Variants in AUTS2 observed in about 807,000 individuals in gnomAD.
The protein encoded by AUTS2 is activator of transcription and developmental regulator AUTS2.
Under a neutral mutation model 112.4 loss-of-function variants are expected in AUTS2, and 17 were observed. The observed-to-expected ratio is 0.15, with a 90% CI of 0.10 to 0.23. AUTS2 has a LOEUF of 0.23. Ranked by LOEUF, AUTS2 falls within the 10% of genes least tolerant of loss-of-function variation. AUTS2 has a pLI of 1.00. For missense variants in AUTS2, 1,510 were observed against 1,701.6 expected (o/e 0.89, Z 1.98); for synonymous variants, 751 against 702.7 (o/e 1.07, Z -1.09).
At position 70,057,196 on chromosome 7, in the gene AUTS2, G is replaced by A. The variant is rs532155366; in HGVS notation, c.523-60936G>A. ...GTTTACCAGTTATCTGTATCCTTGC[G>A]GCTCTGCTTGAACTGAAGCTTAATC... On this transcript the variant is annotated intron_variant, in intron 2 of 18. Transcript: ENST00000342771. Among the ~76,000 whole-genome samples, 5 of 152,078 alleles carry A rather than the reference G, an allele frequency of 3.3e-5. No individual in the cohort carries two copies. The South Asian group carries it at 6.2e-4, about 19-fold the overall frequency.
rs561656290 is a variant in AUTS2 at position 70,552,891 on chromosome 7, T to C, written c.690+117110T>C. On this transcript the variant is annotated intron_variant, in intron 5 of 18. Coordinates refer to ENST00000342771, the MANE Select transcript of AUTS2 (RefSeq NM_015570.4). ...TGTGAATTTTCCAGCACAAACACTTTCCTCACAGCCCTGTTGACCATCTGA... is the reference window on the plus strand; with the variant it reads ...TGTGAATTTTCCAGCACAAACACTTCCCTCACAGCCCTGTTGACCATCTGA... Among the ~76,000 whole-genome samples, 11 of 152,288 alleles carry C rather than the reference T, an allele frequency of 7.2e-5. No homozygotes were observed. The South Asian group carries it at 2.1e-3, about 29-fold the overall frequency.
chr7:69,914,392 C>CACACACACACAA (rs1554403942), intron 2 of AUTS2, among the ~76,000 whole-genome samples: 7 of 150,760 alleles, frequency 4.6e-5, no homozygotes, highest in African/African-American at 1.7e-4. Context: ...CACACACACA[C>CACACACACACAA]ACAAACAATC....
At chr7:69,756,171 C>T (rs759203493) in intron 1 of AUTS2, among the ~76,000 whole-genome samples, 17 of 152,182 alleles carry the variant, frequency 1.1e-4, no homozygotes, top group Non-Finnish European at 2.4e-4. Flanking sequence ...GTCAGGATGC[C>T]AAATACGGTG....
intron 4 of AUTS2, among the ~76,000 whole-genome samples, chr7:70,413,739 G>A (rs188377032): frequency 2.6e-5 from 4 of 152,124 alleles, no homozygotes; most frequent in East Asian, 1.9e-4. Context: ...GGGCAGTGGC[G>A]TGATCTCAGT....
In AUTS2 at chr7:69,876,518, A is replaced by G. The variant is rs1260508598; in HGVS notation, c.310-22768A>G. On this transcript the variant is annotated intron_variant, in intron 1 of 18. Coordinates refer to ENST00000342771, the MANE Select transcript of AUTS2 (RefSeq NM_015570.4). Reference sequence around the variant, plus strand: ...TATATATATATATATATATATATATATATATATATATATATATATATATAT... The same window carrying G: ...TATATATATATATATATATATATATGTATATATATATATATATATATATAT... 2.2e-3 allele frequency among the ~76,000 whole-genome samples: 155 copies of G among 69,086 alleles called. 10 individuals are homozygous for G. Among genetic ancestry groups the G allele is most frequent in the African/African-American group, 3.2e-3 (32 of 9,884 alleles). The allele number at this position is 69,086 out of a possible 152,430, so 45.3% of individuals were successfully genotyped here.
intron 1 of AUTS2, among the ~76,000 whole-genome samples, chr7:69,639,099 T>C (rs991104519): frequency 4.6e-5 from 7 of 152,238 alleles, no homozygotes; most frequent in Admixed American, 6.5e-5. Flanking sequence ...TTATAGAGTT[T>C]TATTAAAATG....
At chr7:70,274,076 T>A (rs1361754388) in intron 4 of AUTS2, among the ~76,000 whole-genome samples, 1 of 152,200 alleles carries the variant, frequency 6.6e-6, no homozygotes, top group East Asian at 1.9e-4. Flanking sequence ...TTGATGTCTG[T>A]AAGCTGTTGC....
chr7:70,186,522 T>A (rs947024290), intron 4 of AUTS2, among the ~76,000 whole-genome samples: 11 of 152,170 alleles, frequency 7.2e-5, no homozygotes, highest in Admixed American at 2.0e-4. Flanking sequence ...AAAGACAGAT[T>A]ATGGTAATAG....
At chr7:70,411,915 T>G (rs1794795342) in intron 4 of AUTS2, among the ~76,000 whole-genome samples, 1 of 149,818 alleles carries the variant, frequency 6.7e-6, no homozygotes, top group Admixed American at 6.6e-5. Flanking sequence ...TTTTTTTCCT[T>G]TTTTCTTTTT....
intron 1 of AUTS2, among the ~76,000 whole-genome samples, chr7:69,808,840 G>C (rs1441095859): frequency 6.6e-6 from 1 of 152,172 alleles, no homozygotes; most frequent in Admixed American, 6.5e-5. Flanking sequence ...TGGCTCATTG[G>C]CTCCTACAGC....
At chr7:69,864,912 C>T (rs905854676) in intron 1 of AUTS2, among the ~76,000 whole-genome samples, 2 of 151,996 alleles carry the variant, frequency 1.3e-5, no homozygotes, top group Admixed American at 1.3e-4. Flanking sequence ...TGTGTAGGAT[C>T]GTATTTTACT....
intron 2 of AUTS2, among the ~76,000 whole-genome samples, chr7:69,985,227 TAAAAA>T (rs71068005): frequency 3.8e-5 from 4 of 104,716 alleles, no homozygotes; most frequent in African/African-American, 1.5e-4. Flanking sequence ...GAAGACTCTC[TAAAAA>T]AAAAAAAAAA....
intron 6 of AUTS2, among the ~76,000 whole-genome samples, chr7:70,715,002 A>G (rs538572603): frequency 4.6e-5 from 7 of 152,192 alleles, no homozygotes; most frequent in Non-Finnish European, 8.8e-5. Flanking sequence ...TGATGCAGTA[A>G]TTCATTAGAG....
At chr7:70,622,981 G>C (rs1057153845) in intron 5 of AUTS2, among the ~76,000 whole-genome samples, 1 of 152,196 alleles carries the variant, frequency 6.6e-6, no homozygotes, top group South Asian at 2.1e-4. Flanking sequence ...ACAAGTGGGA[G>C]TTAATTACCA....
At chr7:69,814,755 G>A (rs1404491555) in intron 1 of AUTS2, among the ~76,000 whole-genome samples, 2 of 152,248 alleles carry the variant, frequency 1.3e-5, no homozygotes, top group Non-Finnish European at 2.9e-5. Context: ...CGGTATGGGC[G>A]AATGGAGCGT....
At chr7:70,262,270 A>C (rs962074159) in intron 4 of AUTS2, among the ~76,000 whole-genome samples, 1 of 151,948 alleles carries the variant, frequency 6.6e-6, no homozygotes, top group Non-Finnish European at 1.5e-5. Flanking sequence ...GCTCACTGCA[A>C]CCTCTGCCTC....
intron 4 of AUTS2, among the ~76,000 whole-genome samples, chr7:70,328,003 C>T (rs1195280496): frequency 2.0e-5 from 3 of 152,070 alleles, no homozygotes; most frequent in South Asian, 2.1e-4. Flanking sequence ...ACTCCTGGTC[C>T]CAACCACTGA....
chr7:69,932,457 G>T (rs1168440604), intron 2 of AUTS2, among the ~76,000 whole-genome samples: 2 of 152,174 alleles, frequency 1.3e-5, no homozygotes, highest in Non-Finnish European at 2.9e-5. Flanking sequence ...TGCAGAAGAG[G>T]CAGACACAAT....
chr7:70,348,235 A>C (rs1055286297), intron 4 of AUTS2, among the ~76,000 whole-genome samples: 3 of 152,234 alleles, frequency 2.0e-5, no homozygotes, highest in African/African-American at 4.8e-5. Flanking sequence ...CTGAGGCCCC[A>C]AAAATTAAAA....
Sources: gnomAD v4.1 joint callset for allele counts (sites outside exome capture counted in the v4.1 genomes callset) on GRCh38, gnomAD v4.1.1 for gene constraint, MANE v1.5 for transcripts, NCBI Gene and HGNC (gene_info 2026-07-23, HGNC 2026-07-21) for gene names.